SLC5A4: variants seen among roughly 807,000 people sequenced by gnomAD.
SLC5A4 encodes the protein solute carrier family 5 member 4.
In SLC5A4, 55 loss-of-function variants were observed where a neutral mutation model predicts 70.3. That is an observed-to-expected ratio of 0.78 (90% CI 0.63 to 0.98). SLC5A4 has a LOEUF of 0.98. Among genes scored for constraint, SLC5A4 ranks in the 50% least tolerant of loss-of-function variants. The pLI is 0.00. For missense variants in SLC5A4, 735 were observed against 839.2 expected, an observed-to-expected ratio of 0.88 and a Z score of 1.53; for synonymous variants, 268 against 305.7, an observed-to-expected ratio of 0.88 and a Z score of 1.29.
At chr22:32,305,210 G>T in the SLC5A4 span, among the ~76,000 whole-genome samples, 7 of 148,128 alleles carry the variant, frequency 4.7e-5, no homozygotes, top group African/African-American at 1.7e-4. Context: ...AAATTTTCCT[G>T]TATCTTTTTT....
rs775150106 is a variant in SLC5A4 at position 32,224,371 on chromosome 22, T to A, written c.1561A>T (p.Ile521Phe). Residue 521 changes from isoleucine to phenylalanine, a missense_variant, in exon 13 of 15, where the codon ATC (isoleucine) becomes TTC (phenylalanine). Ile to Phe is a conservative substitution (Grantham distance 21). Transcript: ENST00000266086. The part of the protein sequence containing the change: ...CLAPSNCPKI[I>F]CGVHYLYFSI... The stretch of plus-strand genomic sequence containing the variant: ...AAGTACAGATAGTGCACTCCACAGA[T>A]AATCTTGGGACAGTTACTGGGAGCC... 159 of 1,613,910 alleles carry A rather than the reference T, an allele frequency of 9.9e-5. 1 individual carries two copies. The Admixed American group carries it at 2.6e-3, about 27-fold the overall frequency.
chr22:32,219,092 G>A (rs1051631656), intron 14 of SLC5A4, among the ~76,000 whole-genome samples: 3 of 152,122 alleles, frequency 2.0e-5, no homozygotes, highest in African/African-American at 4.8e-5. Context: ...AAAGACACAT[G>A]GTTCTCAAGC....
At chr22:32,317,530 A>G in the SLC5A4 span, among the ~76,000 whole-genome samples, 1 of 152,104 alleles carries the variant, frequency 6.6e-6, no homozygotes, top group South Asian at 2.1e-4. Context: ...TGGTGCAATC[A>G]TAGTTCCCTG....
chr22:32,337,714 G>C, the SLC5A4 span, among the ~76,000 whole-genome samples: 1 of 151,976 alleles, frequency 6.6e-6, no homozygotes, highest in Admixed American at 6.5e-5. Flanking sequence ...ACTCTGATTT[G>C]TAGCACGTGC....
chr22:32,337,847 GCA>G, the SLC5A4 span, among the ~76,000 whole-genome samples: 21 of 146,982 alleles, frequency 1.4e-4, no homozygotes, highest in Non-Finnish European at 2.8e-4. Flanking sequence ...AACCTTGCCA[GCA>G]CAGATGATAG....
intron 7 of SLC5A4, among the ~76,000 whole-genome samples, chr22:32,235,834 C>T (rs1308742057): frequency 1.3e-5 from 2 of 152,184 alleles, no homozygotes; most frequent in Non-Finnish European, 1.5e-5. Context: ...CATTAATTTA[C>T]TTCATTATTT....
the SLC5A4 span, among the ~76,000 whole-genome samples, chr22:32,351,906 A>C: frequency 6.6e-6 from 1 of 151,990 alleles, no homozygotes; most frequent in African/African-American, 2.4e-5. Context: ...GCAGCATAAG[A>C]AAATGAACAG....
chr22:32,248,078 A>G (rs1926934017), intron 4 of SLC5A4, among the ~76,000 whole-genome samples: 1 of 152,124 alleles, frequency 6.6e-6, no homozygotes, highest in Non-Finnish European at 1.5e-5. Flanking sequence ...CACATTCTAT[A>G]CTGGAAACCT....
At chr22:32,304,260 G>A in the SLC5A4 span, among the ~76,000 whole-genome samples, 5 of 152,102 alleles carry the variant, frequency 3.3e-5, no homozygotes, top group Non-Finnish European at 7.3e-5. Flanking sequence ...CCAAATAGCT[G>A]GGACTGCAGG....
Position 32,231,004 on chromosome 22 carries a change from C to A in SLC5A4, c.1093G>T (p.Ala365Ser). 6.2e-7 allele frequency: 1 copy of A among 1,613,806 alleles called. No homozygotes were observed. Among genetic ancestry groups the A allele is most frequent in the South Asian group, 1.1e-5 (1 of 91,060 alleles). ...CGVDVGCTNYAYPTMVLELMP... is the reference protein window; with the variant it reads ...CGVDVGCTNYSYPTMVLELMP... ...AGTTCCAGCACCATCGTGGGGTATGCGTAGTTGGTGCAGCCAACATCAACG... is the reference window on the plus strand; with the variant it reads ...AGTTCCAGCACCATCGTGGGGTATGAGTAGTTGGTGCAGCCAACATCAACG... The change falls in exon 10 of 15, where the codon GCA becomes TCA. Residue 365 changes from alanine (A) to serine (S), a missense_variant. Coordinates refer to ENST00000266086, the MANE Select transcript of SLC5A4 (RefSeq NM_014227.3).
the SLC5A4 span, among the ~76,000 whole-genome samples, chr22:32,287,223 T>A: frequency 2.6e-5 from 4 of 152,212 alleles, no homozygotes; most frequent in Admixed American, 2.0e-4. Flanking sequence ...TAATTTTCCA[T>A]GGGCCAACAG....
chr22:32,275,845 T>C, the SLC5A4 span, among the ~76,000 whole-genome samples: 1 of 152,188 alleles, frequency 6.6e-6, no homozygotes, highest in Non-Finnish European at 1.5e-5. Flanking sequence ...AGTGTAAAAG[T>C]GTTCCTATTT....
At chr22:32,241,869 A>ATG (rs148450485) in intron 5 of SLC5A4, among the ~76,000 whole-genome samples, 17 of 148,966 alleles carry the variant, frequency 1.1e-4, no homozygotes, top group African/African-American at 2.5e-4. Flanking sequence ...GTGTATATAT[A>ATG]TGTGTGTATA....
chr22:32,279,311 T>C, the SLC5A4 span, among the ~76,000 whole-genome samples: 90 of 152,188 alleles, frequency 5.9e-4, no homozygotes, highest in African/African-American at 2.1e-3. Context: ...CCAAAAGAAC[T>C]TGCTGCTATA....
chr22:32,277,181 A>G, the SLC5A4 span: 2 of 152,060 alleles, frequency 1.3e-5, no homozygotes, highest in Non-Finnish European at 2.9e-5. Flanking sequence ...ATCCCTTTAA[A>G]TCTGTTTATT....
At chr22:32,334,360 G>C in the SLC5A4 span, among the ~76,000 whole-genome samples, 135 of 152,236 alleles carry the variant, frequency 8.9e-4, 2 homozygotes, top group South Asian at 0.027. Context: ...AACACCACGT[G>C]TCTCTTGGTT....
the SLC5A4 span, among the ~76,000 whole-genome samples, chr22:32,346,818 C>T: frequency 6.8e-6 from 1 of 147,116 alleles, no homozygotes; most frequent in Non-Finnish European, 1.5e-5. Flanking sequence ...TCTAAAACAC[C>T]AAAAGCAATG....
At chr22:32,351,859 G>A in the SLC5A4 span, among the ~76,000 whole-genome samples, 10 of 151,206 alleles carry the variant, frequency 6.6e-5, no homozygotes, top group Non-Finnish European at 1.2e-4. Context: ...AAAGGGAGGA[G>A]GAGGAGAAAC....
the SLC5A4 span, among the ~76,000 whole-genome samples, chr22:32,275,825 T>C: frequency 2.0e-5 from 3 of 152,358 alleles, no homozygotes; most frequent in Non-Finnish European, 2.9e-5. Context: ...TAGTTTATAA[T>C]CCCACCAACA....
Sources: allele counts gnomAD v4.1 joint callset (sites outside exome capture counted in the v4.1 genomes callset), GRCh38; gene constraint gnomAD v4.1.1; transcripts MANE v1.5; gene names NCBI Gene and HGNC (gene_info 2026-07-23, HGNC 2026-07-21).